The following NCAPG2 variants were observed in gnomAD, a reference collection of about 807,000 sequenced individuals.
The protein encoded by NCAPG2 is condensin-2 complex subunit G2.
Under a neutral mutation model 141.1 loss-of-function variants are expected in NCAPG2, and 53 were observed. The ratio of observed to expected loss-of-function variants is 0.38; its 90% CI spans 0.30 to 0.47. The LOEUF (loss-of-function observed/expected upper bound fraction) is 0.47. Ranked by LOEUF, NCAPG2 falls within the 20% of genes least tolerant of loss-of-function variation. The pLI is 0.99. For missense variants in NCAPG2, 1,087 were observed against 1,389.0 expected (o/e 0.78, Z 3.46); for synonymous variants, 499 against 490.7 (o/e 1.02, Z -0.22).
chr7:158,652,173 C>T, intron 23 of NCAPG2, 120 bp downstream of exon 23: 1 of 1,026,172 alleles, frequency 9.7e-7, no homozygotes, highest in Non-Finnish European at 1.4e-6. Context: ...AGGGACCTCC[C>T]ACACAACACT....
chr7:158,704,263 C>A lies in NCAPG2; in HGVS notation c.-40+461G>T, dbSNP rs1172565291. Among the ~76,000 whole-genome samples, 5 of 143,472 alleles carry A rather than the reference C, an allele frequency of 3.5e-5. No individual in the cohort carries two copies. In the South Asian group the frequency reaches 9.1e-4, roughly 26 times the overall value. The allele number at this position is 143,472 out of a possible 152,430, so 94.1% of individuals were successfully genotyped here. On this transcript the variant is annotated intron_variant, in intron 1 of 27. Transcript: ENST00000356309. ...GAGGGGACGCTCTCTGAGGGCAGTG[C>A]CCATGCTCAGGACTGAGGGGGTCGC...
At chr7:158,645,470 G>T in intron 26 of NCAPG2, 49 bp downstream of exon 26, 1 of 1,513,062 alleles carries the variant, frequency 6.6e-7, no homozygotes. Context: ...GACAGCACCT[G>T]TGAGGTGCAC....
chr7:158,638,602 G>GGT (rs141229193), intron 27 of NCAPG2, among the ~76,000 whole-genome samples: 1,945 of 152,078 alleles, frequency 0.013, 43 homozygotes, highest in African/African-American at 0.044. Context: ...AAAATAAAAG[G>GGT]GTCAATTAAT....
chr7:158,701,707 T>C (rs2129469838), intron 2 of NCAPG2, 115 bp downstream of exon 2: 1 of 918,914 alleles, frequency 1.1e-6, no homozygotes, highest in Middle Eastern at 2.2e-4. Context: ...CAAATAAACA[T>C]TGGTCGCTAA....
intron 13 of NCAPG2, chr7:158,667,331 T>TTACCCACG (rs1554560398): frequency 1.0e-5 from 1 of 97,118 alleles, no homozygotes; most frequent in African/African-American, 2.3e-4. Flanking sequence ...GTCCCTCCGC[T>TTACCCACG]ACTGTGTCCC....
At chr7:158,683,251 A>C in intron 9 of NCAPG2, 49 bp downstream of exon 9, 1 of 1,376,408 alleles carries the variant, frequency 7.3e-7, no homozygotes, top group Non-Finnish European at 9.8e-7. Context: ...TTATCTAAAA[A>C]CAAAACAGAG....
At chr7:158,664,806 A>C (rs1433217741) in intron 13 of NCAPG2, 56 bp from the exon 14 acceptor site, 2 of 1,448,668 alleles carry the variant, frequency 1.4e-6, no homozygotes, top group African/African-American at 2.9e-5. Flanking sequence ...GTAACCCTGG[A>C]AACAGCTTAA....
chr7:158,699,338 ACTTG>A (rs1587315347), intron 2 of NCAPG2, among the ~76,000 whole-genome samples: 1 of 152,184 alleles, frequency 6.6e-6, no homozygotes, highest in Non-Finnish European at 1.5e-5. Flanking sequence ...ACTCTGGAAC[ACTTG>A]CTTGAAAATA....
rs945928092 is a variant in NCAPG2, at chr7:158,660,401, C to CTTTTTTTTTTTTTTTTTTT, written c.1989+1774_1989+1792dup. ...AGTCCCAGGTCATTATTTCAGCTTT[C>CTTTTTTTTTTTTTTTTTTT]TTTTTTTTTTTTTTTTTTTTTTTTT... On this transcript the variant is annotated intron_variant, in intron 16 of 27. Transcript: ENST00000356309. Among the ~76,000 whole-genome samples, 18 of 72,812 alleles carry CTTTTTTTTTTTTTTTTTTT rather than the reference C, an allele frequency of 2.5e-4. 3 individuals carry two copies. The highest frequency in any genetic ancestry group is 1.0e-3 in the Admixed American group (6 of 5,958). 47.8% of individuals were successfully genotyped at this position (72,812 alleles called of 152,430 possible).
rs769876802 is a variant in NCAPG2, at chr7:158,662,181, G to A, written c.1989+13C>T. 1 of 1,596,552 alleles carries A rather than the reference G, an allele frequency of 6.3e-7. No homozygotes were observed. The highest frequency in any genetic ancestry group is 8.5e-7 in the Non-Finnish European group (1 of 1,174,906). On this transcript the variant is annotated intron_variant, in intron 16 of 27. Transcript: ENST00000356309. ...TTAATATACCTTGCTTACAAGTATAGTTCAAGACTTACCTTAAATACTTTC... is the reference window on the plus strand; with the variant it reads ...TTAATATACCTTGCTTACAAGTATAATTCAAGACTTACCTTAAATACTTTC...
chr7:158,701,437 C>T (rs1217808109), intron 2 of NCAPG2, among the ~76,000 whole-genome samples: 1 of 152,152 alleles, frequency 6.6e-6, no homozygotes, highest in Non-Finnish European at 1.5e-5. Context: ...AAGCACCCAC[C>T]GTTCTCAAGA....
At chr7:158,656,025 T>C (rs938779355) in intron 19 of NCAPG2, among the ~76,000 whole-genome samples, 2 of 152,186 alleles carry the variant, frequency 1.3e-5, no homozygotes, top group Non-Finnish European at 2.9e-5. Flanking sequence ...CCTAGCGCCC[T>C]AGCAGGTGCA....
chr7:158,651,056 C>T, intron 23 of NCAPG2, 84 bp from the exon 24 acceptor site: 2 of 1,356,292 alleles, frequency 1.5e-6, no homozygotes, highest in South Asian at 3.0e-5. Flanking sequence ...AATAAGTATT[C>T]TTACTATCCT....
At chr7:158,700,220 G>A (rs1835697874) in intron 2 of NCAPG2, among the ~76,000 whole-genome samples, 2 of 152,192 alleles carry the variant, frequency 1.3e-5, no homozygotes. Context: ...GAACTGTTAA[G>A]TGTTAATAAA....
chr7:158,659,189 C>G (rs542193908), intron 16 of NCAPG2, among the ~76,000 whole-genome samples: 31 of 151,840 alleles, frequency 2.0e-4, no homozygotes, highest in African/African-American at 7.2e-4. Context: ...ATTAGCCAGG[C>G]ATGGTGGCTC....
intron 6 of NCAPG2, among the ~76,000 whole-genome samples, chr7:158,689,520 C>G (rs1834994085): frequency 6.6e-6 from 1 of 152,206 alleles, no homozygotes; most frequent in Admixed American, 6.5e-5. Flanking sequence ...AAGGCCAGAT[C>G]TCATTCATAG....
At chr7:158,653,003 T>C (rs1831596859) in intron 22 of NCAPG2, among the ~76,000 whole-genome samples, 2 of 152,318 alleles carry the variant, frequency 1.3e-5, no homozygotes, top group South Asian at 4.1e-4. Context: ...GTTTAAAAAA[T>C]AAATAATTTT....
rs753372736 is a variant in NCAPG2, at chr7:158,664,636, G to A, written c.1594C>T (p.Pro532Ser). 1 of 1,614,134 alleles carries A rather than the reference G, an allele frequency of 6.2e-7. No individual in the cohort carries two copies. The highest frequency in any genetic ancestry group is 8.5e-7 in the Non-Finnish European group (1 of 1,180,026). ...CAGCGCTCGCACCAGACCTCCTCCG[G>A]CTGATTCACAGGCAGGAAAGAATTA... Reference protein sequence around the residue: ...IFNSFLPVNQPEEVWCERCVT... With the variant: ...IFNSFLPVNQSEEVWCERCVT... Residue 532 changes from proline (P) to serine (S), a missense_variant, in exon 14 of 28, where the codon CCG (proline) becomes TCG (serine). Pro to Ser is a moderately conservative substitution (Grantham distance 74, BLOSUM62 -1). Coordinates refer to ENST00000356309, the MANE Select transcript of NCAPG2 (RefSeq NM_017760.7).
At chr7:158,655,604 C>T (rs878966315) in intron 19 of NCAPG2, 149 bp from the exon 20 acceptor site, 15 of 172,372 alleles carry the variant, frequency 8.7e-5, no homozygotes, top group South Asian at 3.9e-4. Flanking sequence ...ACTCTGCACC[C>T]GGACATGAGG....
Sources: allele counts gnomAD v4.1 joint callset (sites outside exome capture counted in the v4.1 genomes callset), GRCh38; gene constraint gnomAD v4.1.1; transcripts MANE v1.5; gene names NCBI Gene and HGNC (gene_info 2026-07-23, HGNC 2026-07-21).